The following CAPN13 variants were observed in gnomAD, a reference collection of about 807,000 sequenced individuals.
CAPN13 encodes the protein calpain 13, also known as calpain-13.
Under a neutral mutation model 98.4 loss-of-function variants are expected in CAPN13, and 90 were observed. The ratio of observed to expected loss-of-function variants is 0.92; its 90% CI spans 0.77 to 1.09. CAPN13 has a LOEUF of 1.09. Among genes scored for constraint, CAPN13 ranks in the 50% least tolerant of loss-of-function variants. The pLI, the probability that CAPN13 is intolerant of heterozygous loss-of-function variation, is 0.00. For missense variants in CAPN13, 887 were observed against 841.3 expected (o/e 1.05, Z -0.67); for synonymous variants, 330 against 305.5 (o/e 1.08, Z -0.84).
intron 7 of CAPN13, 90 bp downstream of exon 7, chr2:30,762,992 C>G: frequency 9.4e-7 from 1 of 1,064,266 alleles, no homozygotes; most frequent in Non-Finnish European, 1.4e-6. Flanking sequence ...CTTTCTTGGG[C>G]TTTCATGTGA....
intron 8 of CAPN13, among the ~76,000 whole-genome samples, chr2:30,755,721 C>A (rs1322316770): frequency 6.6e-6 from 1 of 152,228 alleles, no homozygotes; most frequent in Non-Finnish European, 1.5e-5. Flanking sequence ...GACAGCAAGG[C>A]AGGGGCCACC....
At chr2:30,773,049 C>T (rs527241077) in intron 4 of CAPN13, among the ~76,000 whole-genome samples, 8 of 152,202 alleles carry the variant, frequency 5.3e-5, no homozygotes, top group Non-Finnish European at 1.0e-4. Flanking sequence ...TGGCTTCGAT[C>T]TCCTGACCTC....
intron 2 of CAPN13, among the ~76,000 whole-genome samples, chr2:30,783,904 G>A (rs1017515919): frequency 1.3e-5 from 2 of 152,094 alleles, no homozygotes; most frequent in Non-Finnish European, 2.9e-5. Flanking sequence ...CATGAGGCTG[G>A]GTGTGGTGTC....
At chr2:30,779,432 C>T (rs532005366) in intron 2 of CAPN13, among the ~76,000 whole-genome samples, 6 of 152,208 alleles carry the variant, frequency 3.9e-5, no homozygotes, top group Non-Finnish European at 7.3e-5. Flanking sequence ...TGTCATTCAT[C>T]AAACCCTTGC....
intron 1 of CAPN13, among the ~76,000 whole-genome samples, chr2:30,794,948 T>C (rs1674782934): frequency 6.6e-6 from 1 of 152,006 alleles, no homozygotes; most frequent in Non-Finnish European, 1.5e-5. Context: ...TTGAGTGTCA[T>C]GATGATTTCA....
intron 11 of CAPN13, 49 bp from the exon 12 acceptor site, chr2:30,745,783 A>T (rs1446482833): frequency 6.4e-7 from 1 of 1,569,222 alleles, no homozygotes; most frequent in African/African-American, 1.3e-5. Context: ...GACGTAAACA[A>T]AAAGGCAAGC....
rs115015851 is a variant in CAPN13, at chr2:30,805,895, T to G, written c.-33+1407A>C. Among the ~76,000 whole-genome samples, 1,404 of 152,072 alleles carry G rather than the reference T, an allele frequency of 9.2e-3. 18 individuals carry two copies. The highest frequency in any genetic ancestry group is 0.032 in the African/African-American group (1,340 of 41,448). On this transcript the variant is annotated intron_variant, in intron 1 of 22. Transcript: ENST00000295055. ...TCCCCCTGCCTCCAATAGCTGGGAC[T>G]ACAGGTGTGCACCACCACATGTAGC...
At chr2:30,749,760 T>TGTGATGA (rs1553311010) in intron 11 of CAPN13, among the ~76,000 whole-genome samples, 2 of 151,640 alleles carry the variant, frequency 1.3e-5, no homozygotes, top group Non-Finnish European at 2.9e-5. Flanking sequence ...GATCCCAGCG[T>TGTGATGA]GTGCATGATC....
intron 22 of CAPN13, among the ~76,000 whole-genome samples, chr2:30,729,343 A>G (rs138299495): frequency 6.6e-6 from 1 of 152,214 alleles, no homozygotes; most frequent in Non-Finnish European, 1.5e-5. Context: ...CAATGCCTCT[A>G]ATATTATCCT....
chr2:30,751,060 A>G lies in CAPN13; in HGVS notation c.1236+43T>C, dbSNP rs761987493. The G allele has an allele frequency of 3.7e-6, 6 of 1,603,370 alleles. No homozygotes were observed. The African/African-American group carries it at 6.7e-5, about 18-fold the overall frequency. On this transcript the variant is annotated intron_variant, in intron 11 of 22. Coordinates refer to ENST00000295055, the MANE Select transcript of CAPN13 (RefSeq NM_144575.3). ...CTGTTCTCCCCAACTCAAGGTTTAC[A>G]CTAAATTTCTACAAGGGAAAGCCCT...
At chr2:30,778,558 A>C (rs1673819922) in intron 2 of CAPN13, among the ~76,000 whole-genome samples, 1 of 152,218 alleles carries the variant, frequency 6.6e-6, no homozygotes, top group African/African-American at 2.4e-5. Flanking sequence ...AAGTCTGCAG[A>C]GAGCAGGCCC....
At position 30,751,584 on chromosome 2, in the gene CAPN13, A is replaced by T. The variant is rs1316023554; in HGVS notation, c.1088-333T>A. Reference sequence around the variant, plus strand: ...CTTATGCATTGGTGGTAACCATCAGAGCCTTGAAATGGCATGAACCACCCA... The same window carrying T: ...CTTATGCATTGGTGGTAACCATCAGTGCCTTGAAATGGCATGAACCACCCA... On this transcript the variant is annotated intron_variant, in intron 10 of 22. Transcript: ENST00000295055. Among the ~76,000 whole-genome samples the T allele has an allele frequency of 2.0e-5, 3 of 152,228 alleles. No homozygotes were observed. In the East Asian group the frequency reaches 5.8e-4, roughly 29 times the overall value.
intron 18 of CAPN13, 142 bp from the exon 19 acceptor site, chr2:30,734,666 C>T: frequency 1.4e-6 from 1 of 692,400 alleles, no homozygotes; most frequent in East Asian, 2.7e-5. Flanking sequence ...ACAGTGGCCA[C>T]ACCTGGTGAA....
chr2:30,735,247 G>A (rs1431291130), intron 18 of CAPN13, among the ~76,000 whole-genome samples: 1 of 152,114 alleles, frequency 6.6e-6, no homozygotes, highest in Non-Finnish European at 1.5e-5. Flanking sequence ...CTGATACTCA[G>A]GCAGGGAACA....
rs535765880 is a variant in CAPN13, at chr2:30,791,805, T to G, written c.-32-4448A>C. On this transcript the variant is annotated intron_variant, in intron 1 of 22. Transcript: ENST00000295055. Reference sequence around the variant, plus strand: ...AAATAAGAAAATATATGGAAGGAGATTTAAACCATGAAATATTTTATGAAA... The same window carrying G: ...AAATAAGAAAATATATGGAAGGAGAGTTAAACCATGAAATATTTTATGAAA... 8.6e-5 allele frequency among the ~76,000 whole-genome samples: 13 copies of G among 151,320 alleles called. No homozygotes were observed. The East Asian group carries it at 2.6e-3, about 30-fold the overall frequency.
At chr2:30,781,349 T>A (rs953996837) in intron 2 of CAPN13, among the ~76,000 whole-genome samples, 3 of 152,202 alleles carry the variant, frequency 2.0e-5, no homozygotes, top group Non-Finnish European at 4.4e-5. Flanking sequence ...GAAACATTAT[T>A]AGTGCAGAAG....
chr2:30,728,340 T>A (rs1670933702), intron 22 of CAPN13, among the ~76,000 whole-genome samples: 1 of 152,076 alleles, frequency 6.6e-6, no homozygotes, highest in South Asian at 2.1e-4. Context: ...TATCTCAATA[T>A]ATTTCTTTAA....
At chr2:30,758,822 TTCCTTCCTCCC>T (rs1672626013) in intron 7 of CAPN13, among the ~76,000 whole-genome samples, 3 of 75,724 alleles carry the variant, frequency 4.0e-5, no homozygotes, top group African/African-American at 1.7e-4. Flanking sequence ...CCTTCCTCCC[TTCCTTCCTCCC>T]TTCCTTCTTT....
chr2:30,756,215 TC>T (rs1672436541), intron 8 of CAPN13, among the ~76,000 whole-genome samples: 1 of 152,134 alleles, frequency 6.6e-6, no homozygotes, highest in South Asian at 2.1e-4. Context: ...CATCAGGCTG[TC>T]CTGTGTCAGC....
Sources: allele counts gnomAD v4.1 joint callset (sites outside exome capture counted in the v4.1 genomes callset), GRCh38; gene constraint gnomAD v4.1.1; transcripts MANE v1.5; gene names NCBI Gene and HGNC (gene_info 2026-07-23, HGNC 2026-07-21).